Variants in TTLL7 observed in about 807,000 individuals in gnomAD.
The protein encoded by TTLL7 is tubulin polyglutamylase TTLL7.
In TTLL7, 53 loss-of-function variants were observed where a neutral mutation model predicts 120.2. The observed-to-expected ratio is 0.44, with a 90% CI of 0.35 to 0.55. TTLL7 has a LOEUF of 0.55. Ranked by LOEUF, TTLL7 falls within the 20% of genes least tolerant of loss-of-function variation. The pLI is 0.00. For missense variants in TTLL7, 803 were observed against 1,054.7 expected (o/e 0.76, Z 3.31); for synonymous variants, 353 against 351.7 (o/e 1.00, Z -0.04).
chr1:83,871,386 T>C (rs1653378567), intron 20 of TTLL7, among the ~76,000 whole-genome samples: 3 of 152,088 alleles, frequency 2.0e-5, no homozygotes, highest in African/African-American at 4.8e-5. Context: ...TAGAGAGAAA[T>C]GGTCAAGGAA....
At chr1:83,992,654 T>C (rs1437803304) in intron 1 of TTLL7, among the ~76,000 whole-genome samples, 4 of 152,150 alleles carry the variant, frequency 2.6e-5, no homozygotes, top group Admixed American at 1.3e-4. Context: ...AAATAATATC[T>C]GCTAATCTTT....
chr1:83,890,458 A>C lies in TTLL7; in HGVS notation c.2232T>G (p.Ser744Arg). 1 of 1,612,330 alleles carries C rather than the reference A, an allele frequency of 6.2e-7. No homozygotes were observed. The highest frequency in any genetic ancestry group is 8.5e-7 in the Non-Finnish European group (1 of 1,179,214). The change falls in exon 19 of 21, where the codon AGT (serine) becomes AGG (arginine). Residue 744 changes from serine (S) to arginine (R), a missense_variant. By Grantham distance (110) the Ser-to-Arg change is moderately radical. Transcript: ENST00000260505. ...QRKVLDIVKTSIRTVLPRIWK... is the reference protein window; with the variant it reads ...QRKVLDIVKTRIRTVLPRIWK... ...AGATGCGTGGAAGAACTGTACGAAT[A>C]CTTGTTTTCACTATGTCCAAAACCT...
chr1:83,894,024 T>C (rs1435364636), intron 18 of TTLL7, among the ~76,000 whole-genome samples: 1 of 152,168 alleles, frequency 6.6e-6, no homozygotes, highest in African/African-American at 2.4e-5. Context: ...CCTTTTAGTT[T>C]TTACAATTTT....
intron 1 of TTLL7, among the ~76,000 whole-genome samples, chr1:83,978,880 A>C (rs942991226): frequency 6.6e-6 from 1 of 152,192 alleles, no homozygotes; most frequent in Non-Finnish European, 1.5e-5. Flanking sequence ...AGATAAATAA[A>C]CTTGACTCTG....
At chr1:83,934,184 T>C (rs546153103) in intron 8 of TTLL7, among the ~76,000 whole-genome samples, 15 of 152,362 alleles carry the variant, frequency 9.8e-5, no homozygotes, top group African/African-American at 3.4e-4. Context: ...GGTCCTTGTC[T>C]GACTTATTTA....
At chr1:83,886,641 G>A (rs1204862512) in intron 19 of TTLL7, among the ~76,000 whole-genome samples, 1 of 151,934 alleles carries the variant, frequency 6.6e-6, no homozygotes, top group African/African-American at 2.4e-5. Context: ...ACCCCAACAG[G>A]AAAATACTTT....
intron 1 of TTLL7, among the ~76,000 whole-genome samples, chr1:83,973,120 G>A (rs1651144111): frequency 6.6e-6 from 1 of 151,880 alleles, no homozygotes; most frequent in East Asian, 1.9e-4. Flanking sequence ...CATGCCTTTG[G>A]TGTTATAGTT....
chr1:83,920,622 G>A (rs1658562891), intron 12 of TTLL7: 1 of 158,586 alleles, frequency 6.3e-6, no homozygotes, highest in African/African-American at 2.4e-5. Flanking sequence ...TGAGCTGGGT[G>A]GGGTGGGGGG....
Position 83,869,919 on chromosome 1 carries a change from G to T in TTLL7, c.*43C>A. Reference sequence around the variant, plus strand: ...ATGTTCAACTTCAGAGGAAAAAAATGAATTGCTGTTATGTATAACCAATGG... The same window carrying T: ...ATGTTCAACTTCAGAGGAAAAAAATTAATTGCTGTTATGTATAACCAATGG... On this transcript the variant is annotated 3_prime_UTR_variant, in exon 21 of 21. Coordinates refer to ENST00000260505, the MANE Select transcript of TTLL7 (RefSeq NM_024686.6). The T allele has an allele frequency of 6.3e-7, 1 of 1,580,872 alleles. No homozygotes were observed. Among genetic ancestry groups the T allele is most frequent in the South Asian group, 1.2e-5 (1 of 83,058 alleles).
rs1456526860 is a variant in TTLL7, at chr1:83,866,029, C to CA, written c.*3932dup. On this transcript the variant is annotated 3_prime_UTR_variant, in exon 21 of 21. Coordinates refer to ENST00000260505, the MANE Select transcript of TTLL7 (RefSeq NM_024686.6). ...TTTCTTAAAGAGAAAAGCAAATTTTCAAAAAATCATCAGGTCACAAGAACA... is the reference window on the plus strand; with the variant it reads ...TTTCTTAAAGAGAAAAGCAAATTTTCAAAAAAATCATCAGGTCACAAGAACA... 1 of 151,574 alleles carries CA rather than the reference C, an allele frequency of 6.6e-6. No individual in the cohort carries two copies. Among genetic ancestry groups the CA allele is most frequent in the Non-Finnish European group, 1.5e-5 (1 of 67,738 alleles). 9.4% of individuals were successfully genotyped at this position (151,574 alleles called of 1,614,324 possible).
intron 14 of TTLL7, chr1:83,912,320 A>G (rs1657753532): frequency 6.6e-6 from 1 of 152,194 alleles, no homozygotes. Flanking sequence ...GTTTCCAATG[A>G]TGCCAGCTGA....
chr1:83,996,095 T>C (rs1207987205), intron 1 of TTLL7, among the ~76,000 whole-genome samples: 2 of 152,052 alleles, frequency 1.3e-5, no homozygotes, highest in South Asian at 2.1e-4. Context: ...AAATGAATAG[T>C]GATTGTCTTT....
At position 83,892,465 on chromosome 1, in the gene TTLL7, T is replaced by TATGAATGAAC. The variant is rs1269853076; in HGVS notation, c.2209-1985_2209-1984insGTTCATTCAT. On this transcript the variant is annotated intron_variant, in intron 18 of 20. Coordinates refer to ENST00000260505, the MANE Select transcript of TTLL7 (RefSeq NM_024686.6). ...ACATATGAATGAACATATATGAACA[T>TATGAATGAAC]ATATATGAACATATGAATGAACATA... Among the ~76,000 whole-genome samples the TATGAATGAAC allele has an allele frequency of 2.8e-3, 159 of 57,606 alleles. 15 individuals carry two copies. The highest frequency in any genetic ancestry group is 6.5e-3 in the African/African-American group (138 of 21,212). 37.8% of individuals were successfully genotyped at this position (57,606 alleles called of 152,430 possible). A position where few individuals can be genotyped will look rare whatever the true frequency, so the allele number is the denominator to read the frequency against.
At chr1:83,998,233 TATG>T (rs1653661268) in intron 1 of TTLL7, among the ~76,000 whole-genome samples, 1 of 152,192 alleles carries the variant, frequency 6.6e-6, no homozygotes, top group South Asian at 2.1e-4. Flanking sequence ...GGTTCTGGAT[TATG>T]ATGATTTAAT....
intron 1 of TTLL7, among the ~76,000 whole-genome samples, chr1:83,992,549 C>A (rs1653096366): frequency 6.6e-6 from 1 of 152,046 alleles, no homozygotes; most frequent in African/African-American, 2.4e-5. Context: ...AAACAGGCAG[C>A]TATAGACCAA....
chr1:83,930,051 TACA>T (rs1659468177), intron 9 of TTLL7, among the ~76,000 whole-genome samples: 1 of 152,148 alleles, frequency 6.6e-6, no homozygotes, highest in South Asian at 2.1e-4. Context: ...TACCCAGGAA[TACA>T]ACATCTTTAA....
intron 18 of TTLL7, 67 bp from the exon 19 acceptor site, chr1:83,890,548 G>T: frequency 1.5e-6 from 2 of 1,368,254 alleles, no homozygotes; most frequent in Non-Finnish European, 2.0e-6. Context: ...CAAAGATGTA[G>T]CTTGAGCTCA....
intron 20 of TTLL7, among the ~76,000 whole-genome samples, chr1:83,882,317 CA>C (rs34439348): frequency 0.49 from 72,641 of 148,280 alleles, 18,503 homozygotes; most frequent in Non-Finnish European, 0.58. Flanking sequence ...CACTTTCTGT[CA>C]AAAAAAAAAT....
At chr1:83,902,975 T>G (rs1656852404) in intron 18 of TTLL7, among the ~76,000 whole-genome samples, 1 of 151,958 alleles carries the variant, frequency 6.6e-6, no homozygotes, top group African/African-American at 2.4e-5. Flanking sequence ...CCTAAAAACC[T>G]TCTAGCTGGT....
Sources: gnomAD v4.1 joint callset for allele counts (sites outside exome capture counted in the v4.1 genomes callset) on GRCh38, gnomAD v4.1.1 for gene constraint, MANE v1.5 for transcripts, NCBI Gene and HGNC (gene_info 2026-07-23, HGNC 2026-07-21) for gene names.